DNAH11: variants seen among roughly 807,000 people sequenced by gnomAD.
The protein encoded by DNAH11 is axonemal beta dynein heavy chain 11.
DNAH11 carries 442 observed loss-of-function variants against 526.0 expected under a neutral mutation model. That is an observed-to-expected ratio of 0.84 (90% CI 0.78 to 0.91). The LOEUF is 0.91. DNAH11 is among the 40% of genes least tolerant of loss of function. The pLI is 0.00. For missense variants in DNAH11, 6,989 were observed against 5,448.7 expected, an observed-to-expected ratio of 1.28 and a Z score of -8.90; for synonymous variants, 2,461 against 1,935.9, an observed-to-expected ratio of 1.27 and a Z score of -7.12.
intron 66 of DNAH11, among the ~76,000 whole-genome samples, chr7:21,848,475 G>A (rs1363214348): frequency 1.3e-5 from 2 of 151,782 alleles, no homozygotes; most frequent in East Asian, 1.9e-4. Context: ...AATATCTACC[G>A]TATTTTTATT....
intron 62 of DNAH11, among the ~76,000 whole-genome samples, chr7:21,802,652 C>T (rs992384985): frequency 6.6e-6 from 1 of 151,996 alleles, no homozygotes; most frequent in African/African-American, 2.4e-5. Context: ...AATACTGAGT[C>T]ATGCTACAAT....
intron 63 of DNAH11, among the ~76,000 whole-genome samples, chr7:21,815,754 C>G (rs1488527429): frequency 6.6e-6 from 1 of 152,140 alleles, no homozygotes; most frequent in Non-Finnish European, 1.5e-5. Flanking sequence ...CATATACATT[C>G]TTTAATACAA....
chr7:21,886,233 A>G lies in DNAH11; in HGVS notation c.12507+1823A>G, dbSNP rs116088474. 6.6e-3 allele frequency among the ~76,000 whole-genome samples: 1,005 copies of G among 152,308 alleles called. 10 individuals are homozygous for G. The highest frequency in any genetic ancestry group is 0.023 in the African/African-American group (944 of 41,564). On this transcript the variant is annotated intron_variant, in intron 76 of 81. Coordinates refer to ENST00000409508, the MANE Select transcript of DNAH11 (RefSeq NM_001277115.2). ...GTTCATTTTGAGAAGTAATATAATC[A>G]TATCAGTCTAATATTTAGTGTATAT... is the stretch of plus-strand genomic sequence containing the variant.
chr7:21,576,889 A>G (rs1784116231), intron 8 of DNAH11, among the ~76,000 whole-genome samples: 2 of 152,210 alleles, frequency 1.3e-5, no homozygotes, highest in Admixed American at 1.3e-4. Context: ...CAGAAAGAGA[A>G]ATGTGTCTAT....
chr7:21,690,361 C>G (rs1289849573), intron 34 of DNAH11, among the ~76,000 whole-genome samples: 1 of 151,992 alleles, frequency 6.6e-6, no homozygotes, highest in East Asian at 1.9e-4. Flanking sequence ...AAACTTAAGA[C>G]TGAGCAGGAC....
At chr7:21,605,477 G>A (rs2128448565) in intron 18 of DNAH11, among the ~76,000 whole-genome samples, 1 of 152,326 alleles carries the variant, frequency 6.6e-6, no homozygotes, top group Non-Finnish European at 1.5e-5. Context: ...GCAGAGTTGA[G>A]TTGGTACCTG....
intron 75 of DNAH11, among the ~76,000 whole-genome samples, chr7:21,884,058 C>G (rs879936302): frequency 6.6e-6 from 1 of 151,276 alleles, no homozygotes; most frequent in African/African-American, 2.4e-5. Flanking sequence ...GAAAAAAAAT[C>G]TTCATAAACA....
rs1395631129 is a variant in DNAH11, at chr7:21,707,581, G to GCA, written c.6547-109_6547-108dup. 3.1e-6 allele frequency: 4 copies of GCA among 1,270,858 alleles called. No individual in the cohort carries two copies. In the African/African-American group the frequency reaches 6.1e-5, roughly 19 times the overall value. The allele number at this position is 1,270,858 out of a possible 1,614,324, so 78.7% of individuals were successfully genotyped here. On this transcript the variant is annotated intron_variant, in intron 39 of 81. Coordinates refer to ENST00000409508, the MANE Select transcript of DNAH11 (RefSeq NM_001277115.2). ...TGCATTTTTCCCCTTCTCGATCTTA[G>GCA]CACACACACAGCATCTAGGAACATA...
rs117661228 is a variant in DNAH11 at position 21,805,729 on chromosome 7, T to G, written c.10166-2154T>G. Among the ~76,000 whole-genome samples the G allele has an allele frequency of 4.4e-4, 67 of 152,348 alleles. No individual in the cohort carries two copies. The East Asian group carries it at 9.2e-3, about 21-fold the overall frequency. On this transcript the variant is annotated intron_variant, in intron 62 of 81. Transcript: ENST00000409508. ...CATATAGCAATATTTCCAAAGACTT[T>G]ACTTACTCATGATGATTTAGACAAG...
rs1030205755 is a variant in DNAH11 at position 21,842,213 on chromosome 7, G to C, written c.10692-331G>C. Among the ~76,000 whole-genome samples, 4 of 152,234 alleles carry C rather than the reference G, an allele frequency of 2.6e-5. No homozygotes were observed. In the East Asian group the frequency reaches 7.7e-4, roughly 29 times the overall value. Reference sequence around the variant, plus strand: ...TAAAGTCACAGTTTGCAAGTTTATCGATTACATCGAGGACTTACTGTATAA... The same window carrying C: ...TAAAGTCACAGTTTGCAAGTTTATCCATTACATCGAGGACTTACTGTATAA... On this transcript the variant is annotated intron_variant, in intron 65 of 81. Transcript: ENST00000409508.
At chr7:21,698,443 T>C (rs1480582861) in intron 36 of DNAH11, among the ~76,000 whole-genome samples, 1 of 152,126 alleles carries the variant, frequency 6.6e-6, no homozygotes, top group Admixed American at 6.6e-5. Context: ...CAGTACCCAG[T>C]GTGTAGTCTT....
At chr7:21,602,599 G>A (rs1478098455) in intron 18 of DNAH11, among the ~76,000 whole-genome samples, 3 of 141,782 alleles carry the variant, frequency 2.1e-5, no homozygotes, top group Admixed American at 1.4e-4. Flanking sequence ...GTGTGTGTGT[G>A]TACACACATG....
rs770619692 is a variant in DNAH11 at position 21,601,701 on chromosome 7, A to C, written c.3648+83A>C. The C allele has an allele frequency of 2.8e-6, 3 of 1,060,380 alleles. No homozygotes were observed. The Admixed American group carries it at 8.7e-5, about 31-fold the overall frequency. 65.7% of individuals were successfully genotyped at this position (1,060,380 alleles called of 1,614,324 possible). On this transcript the variant is annotated intron_variant, in intron 18 of 81. Transcript: ENST00000409508. ...AGTACTTTACATGTACTCTCTTATG[A>C]TGTCCTTATAACAATCTATACTGTA...
chr7:21,654,550 A>C (rs1381816700), intron 28 of DNAH11, among the ~76,000 whole-genome samples: 1 of 152,178 alleles, frequency 6.6e-6, no homozygotes, highest in Admixed American at 6.5e-5. Flanking sequence ...ATGAACAGAG[A>C]TGTACAAATA....
chr7:21,856,548 G>C (rs77340991), intron 68 of DNAH11, among the ~76,000 whole-genome samples: 5,394 of 152,268 alleles, frequency 0.035, 144 homozygotes, highest in South Asian at 0.14. Context: ...ATACTGGGCA[G>C]TCCCCCCTTG....
At position 21,789,341 on chromosome 7, in the gene DNAH11, T is replaced by C. The variant is rs1476508310; in HGVS notation, c.10025T>C (p.Val3342Ala). 1 of 1,562,240 alleles carries C rather than the reference T, an allele frequency of 6.4e-7. No homozygotes were observed. The change falls in exon 61 of 82, where the codon GTG becomes GCG. Residue 3342 changes from valine to alanine, a missense_variant and splice_region_variant. By Grantham distance (64) the Val-to-Ala change is moderately conservative. Transcript: ENST00000409508. ...CTAGAGGCTATCAGGAAAAAGCTTG[T>C]GGTGAGTGCAAACTATGACATTGAA... ...EKLEAIRKKL[V>A]DLDRNLSRLT...
chr7:21,726,883 A>G (rs1162501408), intron 45 of DNAH11, among the ~76,000 whole-genome samples: 1 of 142,986 alleles, frequency 7.0e-6, no homozygotes, highest in Non-Finnish European at 1.5e-5. Context: ...AAAAAAAAAA[A>G]AAAAAAAAGA....
At chr7:21,717,737 C>T in intron 42 of DNAH11, 38 bp from the exon 43 acceptor site, 1 of 1,611,188 alleles carries the variant, frequency 6.2e-7, no homozygotes, top group African/African-American at 1.3e-5. Context: ...CTTTTCAAGC[C>T]TAGTGTTCAA....
intron 69 of DNAH11, among the ~76,000 whole-genome samples, chr7:21,862,864 A>G (rs796844210): frequency 5.3e-5 from 8 of 152,168 alleles, no homozygotes; most frequent in African/African-American, 1.9e-4. Context: ...GGAGATTGAG[A>G]CCATCCTGGC....
Sources: allele counts gnomAD v4.1 joint callset (sites outside exome capture counted in the v4.1 genomes callset), GRCh38; gene constraint gnomAD v4.1.1; transcripts MANE v1.5; gene names NCBI Gene and HGNC (gene_info 2026-07-23, HGNC 2026-07-21).